RGS6: variants seen among roughly 807,000 people sequenced by gnomAD.
RGS6 encodes the protein regulator of G-protein signaling 6.
Under a neutral mutation model 78.5 loss-of-function variants are expected in RGS6, and 30 were observed. The observed-to-expected ratio is 0.38, with a 90% CI of 0.29 to 0.52. The LOEUF (loss-of-function observed/expected upper bound fraction) is 0.52. RGS6 is among the 20% of genes least tolerant of loss of function. The probability of loss-of-function intolerance (pLI) is 0.85; values close to 1 mark genes in which losing one functional copy is unlikely to be tolerated. For missense variants in RGS6, 495 were observed against 609.7 expected, an observed-to-expected ratio of 0.81 and a Z score of 1.98; for synonymous variants, 206 against 206.0, an observed-to-expected ratio of 1.00 and a Z score of 0.00.
the RGS6 span, among the ~76,000 whole-genome samples, chr14:71,874,460 T>C: frequency 2.6e-5 from 4 of 152,200 alleles, no homozygotes. Context: ...TGGTGGTGTA[T>C]AGGAATGCTT....
At chr14:72,340,240 C>G (rs1410660984) in intron 2 of RGS6, among the ~76,000 whole-genome samples, 1 of 152,182 alleles carries the variant, frequency 6.6e-6, no homozygotes, top group Non-Finnish European at 1.5e-5. Context: ...CAGCTGGTGG[C>G]TCTCATGTGC....
At chr14:72,582,419 A>G in the RGS6 span, among the ~76,000 whole-genome samples, 4 of 152,218 alleles carry the variant, frequency 2.6e-5, no homozygotes, top group Admixed American at 1.3e-4. Context: ...GTATTAAATG[A>G]TTAAATTCAT....
At chr14:72,226,548 G>A (rs1195070971) in intron 2 of RGS6, among the ~76,000 whole-genome samples, 1 of 152,184 alleles carries the variant, frequency 6.6e-6, no homozygotes, top group Non-Finnish European at 1.5e-5. Flanking sequence ...ATGCTGTGTA[G>A]TATCTCCTAC....
chr14:72,496,344 C>T (rs1262474384), intron 13 of RGS6, among the ~76,000 whole-genome samples: 1 of 152,216 alleles, frequency 6.6e-6, no homozygotes, highest in African/African-American at 2.4e-5. Context: ...ACTGCATAAA[C>T]TACTAGCTTA....
chr14:72,020,199 C>T (rs569823806), intron 2 of RGS6, among the ~76,000 whole-genome samples: 1 of 152,306 alleles, frequency 6.6e-6, no homozygotes, highest in African/African-American at 2.4e-5. Flanking sequence ...TTTGGTCTCC[C>T]AGCTAAGTGA....
intron 13 of RGS6, among the ~76,000 whole-genome samples, chr14:72,506,359 G>A (rs1227303084): frequency 6.6e-6 from 1 of 152,132 alleles, no homozygotes; most frequent in African/African-American, 2.4e-5. Context: ...GTGCTTCTGT[G>A]GATTGTTTGC....
chr14:72,114,426 T>C (rs770024804), intron 2 of RGS6, among the ~76,000 whole-genome samples: 2 of 152,190 alleles, frequency 1.3e-5, no homozygotes, highest in African/African-American at 4.8e-5. Flanking sequence ...CCTATGGTAG[T>C]TGATAATTTC....
intron 3 of RGS6, among the ~76,000 whole-genome samples, chr14:72,389,503 A>G (rs1454962314): frequency 2.0e-5 from 3 of 152,166 alleles, no homozygotes; most frequent in Admixed American, 1.3e-4. Context: ...ATCAAAATAC[A>G]TTATTCCCCA....
chr14:72,506,152 T>C (rs28480341), intron 13 of RGS6, among the ~76,000 whole-genome samples: 2,068 of 152,322 alleles, frequency 0.014, 42 homozygotes, highest in African/African-American at 0.047. Flanking sequence ...TTCATTTTAG[T>C]GCTGAACACT....
chr14:72,326,306 AATT>A (rs1022655037), intron 2 of RGS6, among the ~76,000 whole-genome samples: 12 of 152,200 alleles, frequency 7.9e-5, no homozygotes, highest in Non-Finnish European at 1.8e-4. Context: ...CAATAGTAAT[AATT>A]ATTATATAAA....
chr14:72,130,395 T>C (rs2096289139), intron 2 of RGS6, among the ~76,000 whole-genome samples: 1 of 152,300 alleles, frequency 6.6e-6, no homozygotes, highest in East Asian at 1.9e-4. Context: ...CTCCAGTCCC[T>C]GTCATTTCCC....
intron 2 of RGS6, among the ~76,000 whole-genome samples, chr14:72,245,260 G>A (rs1051385121): frequency 6.6e-6 from 1 of 152,176 alleles, no homozygotes; most frequent in Non-Finnish European, 1.5e-5. Context: ...AGCTCAGTGG[G>A]GGAGACCCTA....
chr14:71,909,986 G>T, the RGS6 span, among the ~76,000 whole-genome samples: 2 of 152,084 alleles, frequency 1.3e-5, no homozygotes, highest in Non-Finnish European at 2.9e-5. Context: ...TCAGGAGTTT[G>T]AGACCAGCCT....
At chr14:72,408,762 T>G (rs1319538321) in intron 3 of RGS6, among the ~76,000 whole-genome samples, 1 of 152,194 alleles carries the variant, frequency 6.6e-6, no homozygotes, top group Non-Finnish European at 1.5e-5. Flanking sequence ...TATTACATAA[T>G]CGGTGCATTT....
intron 2 of RGS6, among the ~76,000 whole-genome samples, chr14:72,244,866 C>G (rs1410479690): frequency 6.6e-6 from 1 of 151,096 alleles, no homozygotes; most frequent in Non-Finnish European, 1.5e-5. Context: ...ACTCTATTGC[C>G]TAGGCTGGAG....
At chr14:72,143,525 T>A (rs1310239866) in intron 2 of RGS6, among the ~76,000 whole-genome samples, 2 of 152,182 alleles carry the variant, frequency 1.3e-5, no homozygotes, top group African/African-American at 4.8e-5. Flanking sequence ...GTGCTGGAAT[T>A]TAAAAGTTGT....
chr14:72,138,791 A>G (rs1053406046), intron 2 of RGS6, among the ~76,000 whole-genome samples: 5 of 152,118 alleles, frequency 3.3e-5, no homozygotes, highest in Admixed American at 6.5e-5. Flanking sequence ...GCTCCTTATG[A>G]GAATCTAATG....
In RGS6 at chr14:72,446,535, C is replaced by T. The variant is rs561649953; in HGVS notation, c.185-7993C>T. The stretch of plus-strand genomic sequence containing the variant: ...GAGCTGTGTTCCCCAGCCTTTTTGG[C>T]ACCAGGGACCAGTTTCATGGAAGAC... On this transcript the variant is annotated intron_variant, in intron 3 of 17. Coordinates refer to ENST00000553525, the MANE Select transcript of RGS6 (RefSeq NM_001204424.2). Among the ~76,000 whole-genome samples the T allele has an allele frequency of 7.3e-4, 111 of 152,334 alleles. 1 individual carries two copies. Among genetic ancestry groups the T allele is most frequent in the Non-Finnish European group, 1.5e-3 (101 of 68,032 alleles).
At chr14:72,329,481 A>C (rs987783120) in intron 2 of RGS6, among the ~76,000 whole-genome samples, 2 of 152,268 alleles carry the variant, frequency 1.3e-5, no homozygotes, top group Non-Finnish European at 2.9e-5. Context: ...CCTGGTGGCC[A>C]AGGTCCACAC....
Sources: gnomAD v4.1 joint callset for allele counts (sites outside exome capture counted in the v4.1 genomes callset) on GRCh38, gnomAD v4.1.1 for gene constraint, MANE v1.5 for transcripts, NCBI Gene and HGNC (gene_info 2026-07-23, HGNC 2026-07-21) for gene names.